SKAP1: variants seen among roughly 807,000 people sequenced by gnomAD.
The protein encoded by SKAP1 is src kinase associated phosphoprotein 1.
SKAP1 carries 44 observed loss-of-function variants against 58.5 expected under a neutral mutation model. That is an observed-to-expected ratio of 0.75 (90% confidence interval 0.59 to 0.97). The LOEUF (loss-of-function observed/expected upper bound fraction) is 0.97, where lower values mean the gene tolerates loss of function less well. SKAP1 is among the 50% of genes least tolerant of loss of function. The pLI is 0.00. For synonymous variants in SKAP1, 127 were observed against 149.7 expected (o/e 0.85, Z 1.11); for missense variants, 390 against 435.2 (o/e 0.90, Z 0.92).
intron 4 of SKAP1, among the ~76,000 whole-genome samples, chr17:48,254,661 G>C (rs767821600): frequency 6.7e-6 from 1 of 149,000 alleles, no homozygotes; most frequent in African/African-American, 2.5e-5. Context: ...TTTACTGAAC[G>C]CCTACTAGAT....
chr17:48,397,869 A>AG (rs11350035), intron 1 of SKAP1, among the ~76,000 whole-genome samples: 4 of 152,042 alleles, frequency 2.6e-5, no homozygotes, highest in African/African-American at 7.3e-5. Context: ...GAAATTGCAG[A>AG]GGGGGGGTGG....
intron 1 of SKAP1, among the ~76,000 whole-genome samples, chr17:48,425,526 C>G (rs7218217): frequency 2.6e-5 from 4 of 152,040 alleles, no homozygotes; most frequent in Non-Finnish European, 1.5e-5. Flanking sequence ...AGTTATATCT[C>G]ACTTTTCAGA....
At chr17:48,183,385 C>A (rs1462636359) in intron 7 of SKAP1, among the ~76,000 whole-genome samples, 1 of 152,146 alleles carries the variant, frequency 6.6e-6, no homozygotes, top group African/African-American at 2.4e-5. Context: ...AAATAAAGTA[C>A]ATTCTGATTA....
At chr17:48,431,140 G>A (rs188686952), upstream of SKAP1, among the ~76,000 whole-genome samples, 1 of 152,250 alleles carries the variant, frequency 6.6e-6, no homozygotes, top group African/African-American at 2.4e-5. Context: ...GAAGGGAGCT[G>A]AATACCAGAA....
chr17:48,374,767 G>A (rs1306847507), intron 2 of SKAP1, among the ~76,000 whole-genome samples: 6 of 152,194 alleles, frequency 3.9e-5, no homozygotes, highest in Non-Finnish European at 8.8e-5. Flanking sequence ...CTACCTTGCA[G>A]AAGGTATGGA....
At chr17:48,287,026 G>A (rs992276481) in intron 4 of SKAP1, among the ~76,000 whole-genome samples, 8 of 152,036 alleles carry the variant, frequency 5.3e-5, no homozygotes, top group Non-Finnish European at 1.2e-4. Flanking sequence ...AACCCGGGAG[G>A]TGGAGGTTGC....
chr17:48,169,594 C>G (rs1489672479), intron 10 of SKAP1, among the ~76,000 whole-genome samples: 1 of 152,244 alleles, frequency 6.6e-6, no homozygotes, highest in Admixed American at 6.5e-5. Flanking sequence ...ACTTCTGAGG[C>G]TGCATCTTCG....
At chr17:48,207,219 T>G (rs1488328203) in intron 4 of SKAP1, among the ~76,000 whole-genome samples, 1 of 152,132 alleles carries the variant, frequency 6.6e-6, no homozygotes, top group Non-Finnish European at 1.5e-5. Context: ...GCATGGTGAC[T>G]CACGCCTGTA....
chr17:48,321,050 T>G (rs1442745919), intron 4 of SKAP1, among the ~76,000 whole-genome samples: 1 of 152,138 alleles, frequency 6.6e-6, no homozygotes, highest in Non-Finnish European at 1.5e-5. Flanking sequence ...TTAGAGGATG[T>G]GATACTAATC....
At chr17:48,374,211 T>G (rs1021501239) in intron 2 of SKAP1, among the ~76,000 whole-genome samples, 1 of 151,500 alleles carries the variant, frequency 6.6e-6, no homozygotes. Context: ...ATTTTTGTTT[T>G]TTTTTTTTTT....
chr17:48,191,131 T>C (rs1212723825), intron 4 of SKAP1, among the ~76,000 whole-genome samples: 2 of 152,244 alleles, frequency 1.3e-5, no homozygotes, highest in Non-Finnish European at 2.9e-5. Context: ...TACAAATTTA[T>C]TGAGAAGTCA....
intron 2 of SKAP1, among the ~76,000 whole-genome samples, chr17:48,371,654 CAAAAAAAAAAAAAAAAAA>C (rs71141985): frequency 2.1e-4 from 8 of 37,920 alleles, no homozygotes; most frequent in South Asian, 1.8e-3. Flanking sequence ...CTTGTCTCCA[CAAAAAAAAAAAAAAAAAA>C]AAAAAAAAAA....
intron 4 of SKAP1, among the ~76,000 whole-genome samples, chr17:48,262,026 C>T (rs536277047): frequency 6.6e-6 from 1 of 152,206 alleles, no homozygotes; most frequent in Non-Finnish European, 1.5e-5. Context: ...TGCCAAGGGT[C>T]TGCAACTTCG....
chr17:48,163,701 T>C (rs1191078824), intron 10 of SKAP1, among the ~76,000 whole-genome samples: 1 of 152,150 alleles, frequency 6.6e-6, no homozygotes, highest in African/African-American at 2.4e-5. Context: ...TGAGCAGTGA[T>C]AGTATTGGTG....
chr17:48,290,665 C>T (rs2065888157), intron 4 of SKAP1, among the ~76,000 whole-genome samples: 1 of 152,104 alleles, frequency 6.6e-6, no homozygotes, highest in Non-Finnish European at 1.5e-5. Flanking sequence ...GGAATGCAAA[C>T]TATGTGAAGG....
chr17:48,218,666 A>C (rs2064968489), intron 4 of SKAP1, among the ~76,000 whole-genome samples: 1 of 152,212 alleles, frequency 6.6e-6, no homozygotes, highest in African/African-American at 2.4e-5. Flanking sequence ...ATTTACAGAG[A>C]TCTCATACTG....
chr17:48,323,049 T>G (rs1425778136), intron 4 of SKAP1, among the ~76,000 whole-genome samples: 4 of 151,688 alleles, frequency 2.6e-5, no homozygotes, highest in Non-Finnish European at 5.9e-5. Context: ...TGAGCCAAGA[T>G]CACACCAAAG....
intron 4 of SKAP1, among the ~76,000 whole-genome samples, chr17:48,322,328 T>C (rs983708949): frequency 6.6e-6 from 1 of 152,238 alleles, no homozygotes; most frequent in African/African-American, 2.4e-5. Context: ...GTTTGCTGAA[T>C]TGTATTCTGC....
the SKAP1 span, among the ~76,000 whole-genome samples, chr17:48,439,982 TTTC>T: frequency 6.6e-6 from 1 of 152,170 alleles, no homozygotes; most frequent in Non-Finnish European, 1.5e-5. Flanking sequence ...GGTGGGCCCT[TTTC>T]TTCATCTCTT....
Sources: allele counts gnomAD v4.1 joint callset (sites outside exome capture counted in the v4.1 genomes callset), GRCh38; gene constraint gnomAD v4.1.1; transcripts MANE v1.5; gene names NCBI Gene and HGNC (gene_info 2026-07-23, HGNC 2026-07-21).